The following CELF2 variants were observed in gnomAD, a reference collection of about 807,000 sequenced individuals.
CELF2 encodes the protein CUGBP Elav-like family member 2, also known as CUG triplet repeat RNA-binding protein 2.
In CELF2, 8 loss-of-function variants were observed where a neutral mutation model predicts 62.6. The observed-to-expected ratio is 0.13, with a 90% CI of 0.07 to 0.23. The LOEUF (loss-of-function observed/expected upper bound fraction) is 0.23, where lower values mean the gene tolerates loss of function less well. Ranked by LOEUF, CELF2 falls within the 10% of genes least tolerant of loss-of-function variation. The probability of loss-of-function intolerance (pLI) is 1.00; values close to 1 mark genes in which losing one functional copy is unlikely to be tolerated. For missense variants in CELF2, 333 were observed against 671.0 expected, an observed-to-expected ratio of 0.50 and a Z score of 5.56; for synonymous variants, 258 against 250.0, an observed-to-expected ratio of 1.03 and a Z score of -0.30.
intron 2 of CELF2, among the ~76,000 whole-genome samples, chr10:10,944,705 G>A (rs773984110): frequency 4.6e-5 from 7 of 151,940 alleles, no homozygotes; most frequent in African/African-American, 1.5e-4. Context: ...AGGTTCAAGC[G>A]ATTCTCATGC....
the CELF2 span, among the ~76,000 whole-genome samples, chr10:10,556,294 G>A: frequency 6.6e-6 from 1 of 151,248 alleles, no homozygotes; most frequent in Non-Finnish European, 1.5e-5. Flanking sequence ...TTGGTTTTTT[G>A]TTCTTGTGAT....
chr10:10,650,055 C>T, the CELF2 span, among the ~76,000 whole-genome samples: 5 of 152,306 alleles, frequency 3.3e-5, no homozygotes, highest in East Asian at 5.8e-4. Context: ...ACATTGCAAC[C>T]ATCAGGAAAC....
chr10:10,731,092 A>C, the CELF2 span, among the ~76,000 whole-genome samples: 1 of 152,130 alleles, frequency 6.6e-6, no homozygotes, highest in African/African-American at 2.4e-5. Context: ...CAATCATCTC[A>C]ACCTATCTCC....
intron 2 of CELF2, among the ~76,000 whole-genome samples, chr10:10,967,027 TTTAATTGAGCAAAGAACAATTCGAGAACC>T: frequency 6.6e-6 from 1 of 152,150 alleles, no homozygotes; most frequent in East Asian, 1.9e-4. Flanking sequence ...TTTAACAGAG[TTTAATTGAGCAAAGAACAATTCGAGAACC>T]GGGCAGCCCC....
intron 2 of CELF2, among the ~76,000 whole-genome samples, chr10:11,192,584 C>G (rs1324346100): frequency 5.9e-5 from 9 of 152,240 alleles, no homozygotes; most frequent in Non-Finnish European, 1.3e-4. Flanking sequence ...CCATGGCAGT[C>G]TCATGACAAT....
At chr10:11,181,397 G>A (rs1042573520) in intron 2 of CELF2, among the ~76,000 whole-genome samples, 1 of 152,192 alleles carries the variant, frequency 6.6e-6, no homozygotes, top group African/African-American at 2.4e-5. Context: ...ACAGTGTGTG[G>A]TAACCAATAG....
In CELF2 at chr10:11,017,974, C is replaced by T. The variant is rs1343270824; in HGVS notation, c.-116C>T. On this transcript the variant is annotated 5_prime_UTR_variant, in exon 1 of 13. Coordinates refer to ENST00000633077, the MANE Select transcript of CELF2 (RefSeq NM_001326342.2). This position sits in a 1 kb window ranked among gnomAD's most constrained non-coding sequence, Gnocchi z 5.5. ...GGAGAGAATGTGACAAGTGCCGGCT[C>T]GGCGGCCGCCGGGGGAGGCCGCGCG... 2.0e-6 allele frequency: 2 copies of T among 989,500 alleles called. No individual in the cohort carries two copies. Among genetic ancestry groups the T allele is most frequent in the Non-Finnish European group, 1.2e-6 (1 of 834,054 alleles). 61.3% of individuals were successfully genotyped at this position (989,500 alleles called of 1,614,324 possible). A position where few individuals can be genotyped will look rare whatever the true frequency, so the allele number is the denominator to read the frequency against.
chr10:11,301,130 A>C (rs1007542825), intron 9 of CELF2, among the ~76,000 whole-genome samples: 1 of 152,166 alleles, frequency 6.6e-6, no homozygotes, highest in Non-Finnish European at 1.5e-5. Flanking sequence ...GGGAAAATTC[A>C]TATGGGAATT....
the CELF2 span, among the ~76,000 whole-genome samples, chr10:10,542,137 T>C: frequency 6.6e-6 from 1 of 152,174 alleles, no homozygotes; most frequent in Non-Finnish European, 1.5e-5. Flanking sequence ...ATAAATAGCT[T>C]CCATCAGCAT....
chr10:10,651,868 T>C, the CELF2 span, among the ~76,000 whole-genome samples: 2 of 150,590 alleles, frequency 1.3e-5, no homozygotes, highest in Non-Finnish European at 3.0e-5. Context: ...CAAAGCTGGA[T>C]GGAGAATGAC....
intron 1 of CELF2, among the ~76,000 whole-genome samples, chr10:11,162,877 G>GCT (rs2066043167): frequency 1.3e-5 from 2 of 152,122 alleles, no homozygotes; most frequent in Non-Finnish European, 2.9e-5. Context: ...GATGGAGTCC[G>GCT]CTATACCCAT....
intron 7 of CELF2, among the ~76,000 whole-genome samples, chr10:11,271,953 G>C (rs1257825609): frequency 6.6e-6 from 1 of 152,172 alleles, no homozygotes; most frequent in Non-Finnish European, 1.5e-5. Context: ...GAATCAACCA[G>C]CCGCTAGTGG....
chr10:10,666,598 C>G, the CELF2 span, among the ~76,000 whole-genome samples: 1 of 75,872 alleles, frequency 1.3e-5, no homozygotes, highest in Non-Finnish European at 2.5e-5. Context: ...CGCGGTGGCT[C>G]ACGCCTGTAA....
intron 1 of CELF2, among the ~76,000 whole-genome samples, chr10:10,824,360 C>T (rs2057215678): frequency 6.6e-6 from 1 of 152,150 alleles, no homozygotes; most frequent in Non-Finnish European, 1.5e-5. Context: ...CCATTTGTCT[C>T]ATCTCACAGT....
At position 11,197,062 on chromosome 10, in the gene CELF2, G is replaced by GAAAGAAAGAAAGAAAGA. The variant is rs1565233992; in HGVS notation, c.272-20355_272-20354insAAAGAAAGAAAAGAAAG. Among the ~76,000 whole-genome samples the GAAAGAAAGAAAGAAAGA allele has an allele frequency of 3.9e-5, 4 of 103,096 alleles. 1 individual carries two copies. In the East Asian group the frequency reaches 6.4e-4, roughly 16 times the overall value. The allele number at this position is 103,096 out of a possible 152,430, so 67.6% of individuals were successfully genotyped here. A position where few individuals can be genotyped will look rare whatever the true frequency, so the allele number is the denominator to read the frequency against. On this transcript the variant is annotated intron_variant, in intron 2 of 12. Coordinates refer to ENST00000633077, the MANE Select transcript of CELF2 (RefSeq NM_001326342.2). ...GAAAGAAAGAAAGAAAGAAAGAAAA[G>GAAAGAAAGAAAGAAAGA]AAAGAAAGGAAAGAAAGAAAGAAGA...
chr10:10,562,382 G>C, the CELF2 span, among the ~76,000 whole-genome samples: 1 of 152,180 alleles, frequency 6.6e-6, no homozygotes, highest in Non-Finnish European at 1.5e-5. Flanking sequence ...TACATATATT[G>C]ATCATTTACT....
the CELF2 span, among the ~76,000 whole-genome samples, chr10:10,675,950 G>A: frequency 6.6e-6 from 1 of 152,138 alleles, no homozygotes; most frequent in Non-Finnish European, 1.5e-5. Context: ...TTCCCAGTAT[G>A]TTTGGTTCTA....
chr10:11,136,036 G>C (rs565129213), intron 1 of CELF2, among the ~76,000 whole-genome samples: 1 of 152,322 alleles, frequency 6.6e-6, no homozygotes, highest in South Asian at 2.1e-4. Flanking sequence ...CACTTGGCTA[G>C]ATGGTGGGAA....
the CELF2 span, among the ~76,000 whole-genome samples, chr10:10,471,487 T>C: frequency 1.3e-5 from 2 of 151,824 alleles, no homozygotes; most frequent in Non-Finnish European, 2.9e-5. Flanking sequence ...TATTATAAAG[T>C]ATCCCTCTTT....
Sources: gnomAD v4.1 joint callset for allele counts (sites outside exome capture counted in the v4.1 genomes callset) on GRCh38, gnomAD v4.1.1 for gene constraint, Gnocchi (gnomAD v3.1) non-coding constraint, MANE v1.5 for transcripts, NCBI Gene and HGNC (gene_info 2026-07-23, HGNC 2026-07-21) for gene names.